Variants in MBNL1 observed in about 807,000 individuals in gnomAD.
MBNL1 encodes muscleblind-like protein 1.
Under a neutral mutation model 42.2 loss-of-function variants are expected in MBNL1, and 8 were observed. The observed-to-expected ratio is 0.19, with a 90% CI of 0.11 to 0.34. The LOEUF is 0.34. Among genes scored for constraint, MBNL1 ranks in the 10% least tolerant of loss-of-function variants. The pLI is 1.00. For synonymous variants in MBNL1, 169 were observed against 173.9 expected (o/e 0.97, Z 0.22); for missense variants, 309 against 495.3 (o/e 0.62, Z 3.57).
chr3:152,339,178 G>GGATGC (rs1214776890), intron 2 of MBNL1, among the ~76,000 whole-genome samples: 1 of 151,954 alleles, frequency 6.6e-6, no homozygotes, highest in African/African-American at 2.4e-5. Context: ...GTAGTGCTAG[G>GGATGC]GATGCATTAC....
intron 8 of MBNL1, 105 bp from the exon 9 acceptor site, chr3:152,459,166 G>A: frequency 1.7e-6 from 1 of 590,526 alleles, no homozygotes; most frequent in South Asian, 2.8e-5. Context: ...TCACCTCACA[G>A]CTGAATTTCA....
intron 6 of MBNL1, 142 bp from the exon 7 acceptor site, chr3:152,455,400 G>A: frequency 1.4e-6 from 1 of 690,494 alleles, no homozygotes; most frequent in Non-Finnish European, 2.7e-6. Context: ...ATTTGATTGT[G>A]CTGACAGTTA....
intron 2 of MBNL1, among the ~76,000 whole-genome samples, chr3:152,395,839 G>A (rs939633635): frequency 6.6e-6 from 1 of 152,210 alleles, no homozygotes; most frequent in African/African-American, 2.4e-5. Flanking sequence ...TGTGGTTTTA[G>A]TTACTGCCAT....
intron 2 of MBNL1, among the ~76,000 whole-genome samples, chr3:152,378,498 G>T (rs1173189443): frequency 6.6e-6 from 1 of 151,912 alleles, no homozygotes; most frequent in Admixed American, 6.6e-5. Context: ...ATTTAGGTAG[G>T]TAATAGTATA....
intron 2 of MBNL1, among the ~76,000 whole-genome samples, chr3:152,364,327 T>A (rs1311205686): frequency 6.6e-6 from 1 of 152,120 alleles, no homozygotes; most frequent in African/African-American, 2.4e-5. Context: ...GTTTTTGTTA[T>A]CAGCAAGAGA....
intron 6 of MBNL1, among the ~76,000 whole-genome samples, chr3:152,450,198 A>G (rs529370599): frequency 1.3e-5 from 2 of 152,020 alleles, no homozygotes; most frequent in South Asian, 2.1e-4. Flanking sequence ...GTGTGAAATT[A>G]TTGCATTAGT....
intron 2 of MBNL1, among the ~76,000 whole-genome samples, chr3:152,351,504 G>A (rs1319709289): frequency 3.3e-5 from 5 of 152,104 alleles, no homozygotes; most frequent in Non-Finnish European, 4.4e-5. Context: ...ATTAGTTTTC[G>A]AGTTTTATTA....
intron 2 of MBNL1, among the ~76,000 whole-genome samples, chr3:152,393,355 T>C (rs2097794072): frequency 6.6e-6 from 1 of 152,238 alleles, no homozygotes; most frequent in Non-Finnish European, 1.5e-5. Flanking sequence ...TATCCAAGAC[T>C]AATCCTAGGT....
At chr3:152,268,850 T>TGGGC (rs1414015150), upstream of MBNL1, 1 of 423,230 alleles carries the variant, frequency 2.4e-6, no homozygotes, top group East Asian at 7.9e-5. Flanking sequence ...CTGGTGGGGC[T>TGGGC]GGGCGGGCGG....
chr3:152,340,560 T>G, intron 2 of MBNL1: 1 of 1,613,294 alleles, frequency 6.2e-7, no homozygotes, highest in Non-Finnish European at 8.5e-7. Context: ...GAGACATAGC[T>G]ACAACTGACA....
At chr3:152,410,116 T>C (rs2098530508) in intron 2 of MBNL1, among the ~76,000 whole-genome samples, 1 of 152,042 alleles carries the variant, frequency 6.6e-6, no homozygotes, top group Non-Finnish European at 1.5e-5. Context: ...ACATATGCAG[T>C]TTATATATAT....
chr3:152,460,611 TA>T (rs1288958334), intron 9 of MBNL1, among the ~76,000 whole-genome samples: 126 of 102,954 alleles, frequency 1.2e-3, no homozygotes, highest in African/African-American at 2.1e-3. Context: ...ACTTAAAGTA[TA>T]AAAAAAAAAA....
At chr3:152,396,572 C>T (rs1287939492) in intron 2 of MBNL1, among the ~76,000 whole-genome samples, 1 of 152,204 alleles carries the variant, frequency 6.6e-6, no homozygotes, top group Non-Finnish European at 1.5e-5. Context: ...TTTGAAAGTG[C>T]TCCACTCCTA....
chr3:152,357,526 G>C (rs148473821), intron 2 of MBNL1, among the ~76,000 whole-genome samples: 1 of 152,236 alleles, frequency 6.6e-6, no homozygotes, highest in South Asian at 2.1e-4. Context: ...AATCAGCCAC[G>C]GGTGGGTGTG....
intron 3 of MBNL1, among the ~76,000 whole-genome samples, chr3:152,431,827 C>T (rs911746910): frequency 1.3e-5 from 2 of 152,106 alleles, no homozygotes; most frequent in Non-Finnish European, 2.9e-5. Flanking sequence ...ACTAGAAAAA[C>T]AAATTGTTAG....
At chr3:152,261,898 T>A (rs1358121878) in intron 2 of MBNL1, among the ~76,000 whole-genome samples, 1 of 152,216 alleles carries the variant, frequency 6.6e-6, no homozygotes, top group Non-Finnish European at 1.5e-5. Context: ...TGCCAGCTGC[T>A]TGGGAGTCCG....
chr3:152,419,561 C>T (rs921038158), intron 3 of MBNL1, among the ~76,000 whole-genome samples: 5 of 152,214 alleles, frequency 3.3e-5, no homozygotes, highest in Non-Finnish European at 5.9e-5. Flanking sequence ...CTACACTTTT[C>T]CCATGGTCTT....
rs199849422 is a variant in MBNL1 at position 152,312,919 on chromosome 3, TACC to T, written c.174+12554_174+12556del. On this transcript the variant is annotated intron_variant, in intron 2 of 9. Transcript: ENST00000324210. ...GCGACAGGAATAATGACAATGTGAC[TACC>T]AGTGGTTTTCACTTCATTCCCAGTG... Among the ~76,000 whole-genome samples the T allele has an allele frequency of 7.3e-3, 1,111 of 152,326 alleles. 11 individuals are homozygous for T. Among genetic ancestry groups the T allele is most frequent in the African/African-American group, 0.025 (1,051 of 41,580 alleles).
In MBNL1 at chr3:152,462,731, A is replaced by G. The variant is rs1326866483; in HGVS notation, c.*365A>G. ...TGAAAAGACAGACTATGGTGTAACCATGATTCTATTATGTATTGGTACGTC... is the reference window on the plus strand; with the variant it reads ...TGAAAAGACAGACTATGGTGTAACCGTGATTCTATTATGTATTGGTACGTC... On this transcript the variant is annotated 3_prime_UTR_variant, in exon 10 of 10. Coordinates refer to ENST00000324210, the MANE Select transcript of MBNL1 (RefSeq NM_021038.5). 1 of 152,176 alleles carries G rather than the reference A, an allele frequency of 6.6e-6. No individual in the cohort carries two copies. The highest frequency in any genetic ancestry group is 1.5e-5 in the Non-Finnish European group (1 of 68,014). The allele number at this position is 152,176 out of a possible 1,614,324, so 9.4% of individuals were successfully genotyped here.
Sources: allele counts gnomAD v4.1 joint callset (sites outside exome capture counted in the v4.1 genomes callset), GRCh38; gene constraint gnomAD v4.1.1; transcripts MANE v1.5; gene names NCBI Gene and HGNC (gene_info 2026-07-23, HGNC 2026-07-21).